The following SYTL2 variants were observed in gnomAD, a reference collection of about 807,000 sequenced individuals.
The protein encoded by SYTL2 is synaptotagmin like 2.
In SYTL2, 165 loss-of-function variants were observed where a neutral mutation model predicts 198.7. The observed-to-expected ratio is 0.83, with a 90% confidence interval of 0.73 to 0.94. The LOEUF is 0.94. Among genes scored for constraint, SYTL2 ranks in the 40% least tolerant of loss-of-function variants. The pLI is 0.00. For synonymous variants in SYTL2, 966 were observed against 917.7 expected, an observed-to-expected ratio of 1.05 and a Z score of -0.95; for missense variants, 2,835 against 2,582.8, an observed-to-expected ratio of 1.10 and a Z score of -2.12.
intron 16 of SYTL2, among the ~76,000 whole-genome samples, chr11:85,702,187 G>A (rs902228958): frequency 1.5e-4 from 19 of 129,034 alleles, no homozygotes; most frequent in African/African-American, 5.2e-4. Flanking sequence ...AATCTAGTGG[G>A]TCTATTTTTT....
intron 7 of SYTL2, among the ~76,000 whole-genome samples, chr11:85,729,553 A>T (rs958418789): frequency 6.6e-6 from 1 of 152,228 alleles, no homozygotes; most frequent in East Asian, 1.9e-4. Flanking sequence ...GAGAATAAAG[A>T]CACAGCATTC....
chr11:85,745,545 G>T, intron 4 of SYTL2, 92 bp downstream of exon 4: 1 of 1,409,672 alleles, frequency 7.1e-7, no homozygotes, highest in South Asian at 1.4e-5. Flanking sequence ...CCCCAGTCTG[G>T]CATCTGTACT....
chr11:85,805,340 A>C (rs1219184780), intron 1 of SYTL2, among the ~76,000 whole-genome samples: 1 of 151,852 alleles, frequency 6.6e-6, no homozygotes, highest in East Asian at 1.9e-4. Flanking sequence ...AAAAAAAAAA[A>C]CAAAAAAACT....
chr11:85,708,916 G>C lies in SYTL2; in HGVS notation c.5915+415C>G, dbSNP rs529617978. Among the ~76,000 whole-genome samples, 474 of 125,032 alleles carry C rather than the reference G, an allele frequency of 3.8e-3. 3 individuals are homozygous for C. The highest frequency in any genetic ancestry group is 5.2e-3 in the Non-Finnish European group (335 of 64,366). The allele number at this position is 125,032 out of a possible 152,430, so 82.0% of individuals were successfully genotyped here. A position where few individuals can be genotyped will look rare whatever the true frequency, so the allele number is the denominator to read the frequency against. On this transcript the variant is annotated intron_variant, in intron 14 of 19. Transcript: ENST00000359152. ...GCTGGAGTGCAGTGGCCCGATCTCA[G>C]CTCACTGCAAGCTCCGCCTCCTCGC...
At chr11:85,722,136 T>C (rs540449418) in intron 8 of SYTL2, among the ~76,000 whole-genome samples, 1 of 152,096 alleles carries the variant, frequency 6.6e-6, no homozygotes, top group South Asian at 2.1e-4. Context: ...TGGCTTGTTA[T>C]TCTAAAATGT....
chr11:85,752,484 G>T (rs1361815890), intron 2 of SYTL2, among the ~76,000 whole-genome samples: 1 of 152,118 alleles, frequency 6.6e-6, no homozygotes, highest in Non-Finnish European at 1.5e-5. Flanking sequence ...CATGATTTCG[G>T]TTTCTAAGAT....
Position 85,756,588 on chromosome 11 carries a change from A to G in SYTL2, c.101+1037T>C, listed in dbSNP as rs1312440151. Among the ~76,000 whole-genome samples the G allele has an allele frequency of 2.0e-5, 3 of 152,154 alleles. No homozygotes were observed. In the East Asian group the frequency reaches 5.8e-4, roughly 29 times the overall value. On this transcript the variant is annotated intron_variant, in intron 2 of 19. Coordinates refer to ENST00000359152, the MANE Select transcript of SYTL2 (RefSeq NM_206927.4). ...TCCTGACACATCAAATGGGGTAATT[A>G]TATCCCACTCCACCCACCAACCGCA...
intron 1 of SYTL2, 43 bp downstream of exon 1, chr11:85,810,909 AAC>A (rs1294320285): frequency 2.0e-5 from 3 of 152,440 alleles, no homozygotes; most frequent in Admixed American, 1.3e-4. Context: ...TGCCCGAGGT[AAC>A]ACAGCGAGTG....
At chr11:85,846,750 T>C in the SYTL2 span, among the ~76,000 whole-genome samples, 1 of 151,034 alleles carries the variant, frequency 6.6e-6, no homozygotes, top group Non-Finnish European at 1.5e-5. Context: ...TTTTTTTTTT[T>C]TGAGATGGAG....
chr11:85,743,187 C>T (rs965072194), intron 4 of SYTL2, among the ~76,000 whole-genome samples: 3 of 152,184 alleles, frequency 2.0e-5, no homozygotes, highest in Admixed American at 6.5e-5. Flanking sequence ...TTAAAGTTCA[C>T]TTAGTCTAAA....
At position 85,794,061 on chromosome 11, in the gene SYTL2, G is replaced by T. The variant is rs149571136; in HGVS notation, c.-390+16893C>A. On this transcript the variant is annotated intron_variant, in intron 1 of 19. Transcript: ENST00000359152. ...CAGTTTTTTTTTCTTGTAGAGACAGGGTCTCACTATGCTGCCCAGGCTGGT... is the reference window on the plus strand; with the variant it reads ...CAGTTTTTTTTTCTTGTAGAGACAGTGTCTCACTATGCTGCCCAGGCTGGT... Among the ~76,000 whole-genome samples, 655 of 152,178 alleles carry T rather than the reference G, an allele frequency of 4.3e-3. 6 individuals carry two copies. The highest frequency in any genetic ancestry group is 0.016 in the African/African-American group (644 of 41,504).
At chr11:85,705,518 C>A (rs2084990873) in intron 15 of SYTL2, among the ~76,000 whole-genome samples, 1 of 152,166 alleles carries the variant, frequency 6.6e-6, no homozygotes, top group Non-Finnish European at 1.5e-5. Context: ...ACACACCTCC[C>A]CCACTATCAA....
At chr11:85,853,083 C>T in the SYTL2 span, 11 of 259,426 alleles carry the variant, frequency 4.2e-5, no homozygotes, top group South Asian at 5.7e-5. Context: ...TCCGGGAGGT[C>T]GGGGGCGCCT....
chr11:85,808,917 C>A (rs967878368), intron 1 of SYTL2, among the ~76,000 whole-genome samples: 5 of 150,858 alleles, frequency 3.3e-5, no homozygotes, highest in Admixed American at 2.6e-4. Context: ...TTTTCTTCAT[C>A]TACTGTATGT....
intron 1 of SYTL2, among the ~76,000 whole-genome samples, chr11:85,770,970 G>A (rs531630355): frequency 1.3e-5 from 2 of 152,196 alleles, no homozygotes; most frequent in South Asian, 4.1e-4. Flanking sequence ...TTTCTCATCT[G>A]TAAAATGGGC....
the SYTL2 span, among the ~76,000 whole-genome samples, chr11:85,826,821 A>G: frequency 6.6e-6 from 1 of 152,212 alleles, no homozygotes; most frequent in East Asian, 1.9e-4. Flanking sequence ...GCAGGTATGA[A>G]TCCTGCCGAA....
At position 85,717,487 on chromosome 11, in the gene SYTL2, TG is replaced by T; in HGVS notation, c.5525del (p.Pro1842GlnfsTer23). ...GAGAAAGATCCTGCTACTCACTTCT[TG>T]GTACGCATTCATTTGTAACTGGCTT... ...DQKPVTNECV[P>X]RISTVPTQPD... On this transcript the variant is annotated frameshift_variant, in exon 11 of 20. Transcript: ENST00000359152. LOFTEE classifies it high-confidence loss of function. 6.2e-7 allele frequency: 1 copy of T among 1,612,992 alleles called. No individual in the cohort carries two copies. Among genetic ancestry groups the T allele is most frequent in the Admixed American group, 1.7e-5 (1 of 60,010 alleles).
chr11:85,752,930 A>AC (rs1167126963), intron 2 of SYTL2, among the ~76,000 whole-genome samples: 2 of 132,056 alleles, frequency 1.5e-5, no homozygotes, highest in East Asian at 2.1e-4. Context: ...AAAAAAAAAA[A>AC]AAAAAAAAAA....
Position 85,725,086 on chromosome 11 carries a change from G to A in SYTL2, c.4272C>T (p.Asp1424=), listed in dbSNP as rs751870360. 7 of 1,614,124 alleles carry A rather than the reference G, an allele frequency of 4.3e-6. No homozygotes were observed. The South Asian group carries it at 6.6e-5, about 15-fold the overall frequency. Residue 1424 remains aspartate, a synonymous_variant, in exon 8 of 20, where the codon GAC becomes GAT. Transcript: ENST00000359152. ...PGVISPWATM[D]TIVPDRKDFY... ...AATCCTTCCTGTCTGGAACTATGGT[G>A]TCCATCGTAGCCCATGGTGATATCA...
Sources: gnomAD v4.1 joint callset for allele counts (sites outside exome capture counted in the v4.1 genomes callset) on GRCh38, gnomAD v4.1.1 for gene constraint, MANE v1.5 for transcripts, NCBI Gene and HGNC (gene_info 2026-07-23, HGNC 2026-07-21) for gene names.